Variants in ERAP1 observed in about 807,000 individuals in gnomAD.
ERAP1 encodes adipocyte-derived leucine aminopeptidase.
ERAP1 carries 86 observed loss-of-function variants against 103.7 expected under a neutral mutation model. The observed-to-expected ratio is 0.83, with a 90% CI of 0.70 to 0.99. The LOEUF is 0.99. Among genes scored for constraint, ERAP1 ranks in the 50% least tolerant of loss-of-function variants. ERAP1 has a pLI of 0.00. For synonymous variants in ERAP1, 398 were observed against 402.4 expected, an observed-to-expected ratio of 0.99 and a Z score of 0.13; for missense variants, 1,009 against 1,128.4, an observed-to-expected ratio of 0.89 and a Z score of 1.52.
chr5:96,775,581 A>G lies in ERAP1; in HGVS notation c.*815T>C. On this transcript the variant is annotated 3_prime_UTR_variant, in exon 19 of 19. Coordinates refer to ENST00000443439, the MANE Select transcript of ERAP1 (RefSeq NM_001040458.3). ...AGGGTTCTATAAAAAGATTTTTTGC[A>G]AAAGTGCGAGCACATTATGTAGAAA... 1 of 874,230 alleles carries G rather than the reference A, an allele frequency of 1.1e-6. No homozygotes were observed. Among genetic ancestry groups the G allele is most frequent in the Non-Finnish European group, 1.4e-6 (1 of 728,498 alleles). 54.2% of individuals were successfully genotyped at this position (874,230 alleles called of 1,614,324 possible).
chr5:96,818,033 A>T, the ERAP1 span, among the ~76,000 whole-genome samples: 24 of 152,358 alleles, frequency 1.6e-4, no homozygotes, highest in African/African-American at 4.6e-4. Flanking sequence ...ACAAATAAAA[A>T]AGAAATAAAG....
the ERAP1 span, chr5:96,919,385 C>T: frequency 1.3e-5 from 2 of 152,168 alleles, no homozygotes; most frequent in Non-Finnish European, 2.9e-5. Context: ...AAGAGATATC[C>T]TTTAGAATTA....
the ERAP1 span, chr5:96,935,114 T>C: frequency 6.6e-6 from 1 of 152,366 alleles, no homozygotes; most frequent in East Asian, 1.9e-4. Flanking sequence ...TTTCGGTTTC[T>C]CGGGCCTAGC....
At chr5:96,822,911 G>A in the ERAP1 span, 1 of 368,700 alleles carries the variant, frequency 2.7e-6, no homozygotes, top group Non-Finnish European at 5.4e-6. Context: ...GCTGAATCAA[G>A]GTGTCATCCA....
chr5:96,935,512 C>G, the ERAP1 span: 1 of 152,882 alleles, frequency 6.5e-6, no homozygotes, highest in African/African-American at 2.4e-5. Flanking sequence ...GTTCAGATAG[C>G]GACCTTCGCC....
chr5:96,812,372 C>T (rs1035615831), upstream of ERAP1, among the ~76,000 whole-genome samples: 1 of 152,200 alleles, frequency 6.6e-6, no homozygotes, highest in African/African-American at 2.4e-5. Context: ...TCAGAATTTA[C>T]TAGATATTGT....
the ERAP1 span, among the ~76,000 whole-genome samples, chr5:96,823,931 A>G: frequency 6.6e-6 from 1 of 152,244 alleles, no homozygotes; most frequent in African/African-American, 2.4e-5. Context: ...CAGCACAAGC[A>G]TGACCATGCC....
At chr5:96,805,680 C>T (rs1247950274) in intron 1 of ERAP1, 1 of 152,218 alleles carries the variant, frequency 6.6e-6, no homozygotes, top group African/African-American at 2.4e-5. Context: ...ACAGGGAGAA[C>T]ATTTTTTTGC....
At chr5:96,863,252 A>G in the ERAP1 span, among the ~76,000 whole-genome samples, 6 of 151,234 alleles carry the variant, frequency 4.0e-5, no homozygotes, top group South Asian at 1.3e-3. Context: ...CTCCCTCACA[A>G]TTTGCCCTCT....
chr5:96,886,643 T>C, the ERAP1 span: 5 of 1,497,572 alleles, frequency 3.3e-6, no homozygotes, highest in South Asian at 1.3e-5. Flanking sequence ...TTATTCCTTT[T>C]CCTTTCTGTA....
At chr5:96,768,257 T>C in intron 19 of ERAP1, 1 of 451,280 alleles carries the variant, frequency 2.2e-6, no homozygotes, top group Non-Finnish European at 4.1e-6. Context: ...CTAATTTTTG[T>C]ATTTTTTTGT....
chr5:96,805,917 A>G (rs1012871260), intron 1 of ERAP1: 3 of 152,316 alleles, frequency 2.0e-5, no homozygotes, highest in African/African-American at 7.2e-5. Context: ...GCTGACAGAA[A>G]GGCTGATGTG....
At chr5:96,762,226 A>G (rs750522746) in exon 20 of ERAP1, 15 of 1,271,012 alleles carry the variant, frequency 1.2e-5, no homozygotes, top group Non-Finnish European at 1.7e-5. Flanking sequence ...CATTGTGCTC[A>G]TAATTTTATA....
chr5:96,903,240 A>G, the ERAP1 span: 90 of 633,154 alleles, frequency 1.4e-4, no homozygotes, highest in Non-Finnish European at 2.1e-4. Flanking sequence ...AACTACGAAA[A>G]TGAATATCAT....
the ERAP1 span, among the ~76,000 whole-genome samples, chr5:96,863,135 C>T: frequency 1.3e-5 from 2 of 152,026 alleles, no homozygotes; most frequent in African/African-American, 2.4e-5. Context: ...ACCACTGTGC[C>T]CTAAGTTTGC....
chr5:96,923,593 C>T, the ERAP1 span, among the ~76,000 whole-genome samples: 23 of 151,286 alleles, frequency 1.5e-4, no homozygotes, highest in African/African-American at 2.4e-5. Context: ...ATTTGGGAGG[C>T]TGAGGCAGGA....
At chr5:96,895,971 G>A in the ERAP1 span, among the ~76,000 whole-genome samples, 1 of 152,068 alleles carries the variant, frequency 6.6e-6, no homozygotes, top group African/African-American at 2.4e-5. Flanking sequence ...CTGAATTTGT[G>A]GCTTAATGCC....
At chr5:96,810,280 G>C (rs1440753059), upstream of ERAP1, among the ~76,000 whole-genome samples, 1 of 152,186 alleles carries the variant, frequency 6.6e-6, no homozygotes, top group Non-Finnish European at 1.5e-5. Flanking sequence ...CCTAGTTCTA[G>C]AGCCTGTGAG....
chr5:96,780,350 T>A (rs1774973599), intron 18 of ERAP1, 73 bp downstream of exon 18: 2 of 1,114,708 alleles, frequency 1.8e-6, no homozygotes, highest in African/African-American at 3.2e-5. Context: ...CTCAAAGTAT[T>A]TTGTCTACCC....
Sources: gnomAD v4.1 joint callset for allele counts (sites outside exome capture counted in the v4.1 genomes callset) on GRCh38, gnomAD v4.1.1 for gene constraint, MANE v1.5 for transcripts, NCBI Gene and HGNC (gene_info 2026-07-23, HGNC 2026-07-21) for gene names.